The following GRIK2 variants were observed in gnomAD, a reference collection of about 807,000 sequenced individuals.
GRIK2 encodes the protein glutamate receptor ionotropic, kainate 2.
A neutral mutation model predicts 100.3 loss-of-function variants in GRIK2; 32 were observed. The ratio of observed to expected loss-of-function variants is 0.32; its 90% CI spans 0.24 to 0.43. The LOEUF (loss-of-function observed/expected upper bound fraction) is 0.43. Among genes scored for constraint, GRIK2 ranks in the 20% least tolerant of loss-of-function variants. GRIK2 has a pLI of 1.00. For synonymous variants in GRIK2, 417 were observed against 389.4 expected (o/e 1.07, Z -0.83); for missense variants, 843 against 1,114.9 (o/e 0.76, Z 3.47).
At chr6:101,707,415 TATATAA>T (rs1316164581) in intron 7 of GRIK2, among the ~76,000 whole-genome samples, 1 of 148,182 alleles carries the variant, frequency 6.7e-6, no homozygotes, top group African/African-American at 2.5e-5. Flanking sequence ...GCAGTATACA[TATATAA>T]ATATATTCTT....
At chr6:101,954,278 G>A (rs1401616177) in intron 14 of GRIK2, among the ~76,000 whole-genome samples, 2 of 151,888 alleles carry the variant, frequency 1.3e-5, no homozygotes, top group Non-Finnish European at 2.9e-5. Flanking sequence ...AGCCACATGA[G>A]GTATTAATTT....
chr6:101,823,229 G>A (rs915260586), intron 10 of GRIK2, among the ~76,000 whole-genome samples: 3 of 152,084 alleles, frequency 2.0e-5, no homozygotes, highest in South Asian at 2.1e-4. Flanking sequence ...CTTAAGAATT[G>A]CAATGTTTAC....
chr6:101,723,182 A>G (rs1044201067), intron 7 of GRIK2, among the ~76,000 whole-genome samples: 1 of 152,044 alleles, frequency 6.6e-6, no homozygotes, highest in Non-Finnish European at 1.5e-5. Flanking sequence ...TAATTTCTCC[A>G]TGGCCAGGGT....
chr6:101,499,122 A>T (rs565559916), intron 2 of GRIK2, among the ~76,000 whole-genome samples: 14 of 152,274 alleles, frequency 9.2e-5, no homozygotes, highest in African/African-American at 2.9e-4. Flanking sequence ...TACAAAAATT[A>T]ATTCAAGATG....
intron 7 of GRIK2, among the ~76,000 whole-genome samples, chr6:101,796,589 A>T (rs1039995017): frequency 6.6e-6 from 1 of 152,198 alleles, no homozygotes; most frequent in African/African-American, 2.4e-5. Flanking sequence ...ACTGGAGAAA[A>T]TATCATAGAA....
At chr6:101,453,305 A>T (rs1448387396) in intron 2 of GRIK2, among the ~76,000 whole-genome samples, 1 of 151,926 alleles carries the variant, frequency 6.6e-6, no homozygotes, top group African/African-American at 2.4e-5. Context: ...TAAGAAAAAA[A>T]TTAATTGACT....
chr6:101,705,651 A>T (rs1345257053), intron 7 of GRIK2, among the ~76,000 whole-genome samples: 1 of 151,880 alleles, frequency 6.6e-6, no homozygotes, highest in African/African-American at 2.4e-5. Context: ...AATGCATCAA[A>T]TAAATTAAAA....
intron 10 of GRIK2, among the ~76,000 whole-genome samples, chr6:101,834,291 A>G (rs745884331): frequency 5.3e-5 from 8 of 152,038 alleles, no homozygotes; most frequent in Non-Finnish European, 1.0e-4. Context: ...GCTTTTACTA[A>G]AAGACATGTT....
intron 14 of GRIK2, among the ~76,000 whole-genome samples, chr6:102,015,096 A>G (rs773764909): frequency 6.6e-6 from 1 of 152,070 alleles, no homozygotes; most frequent in Non-Finnish European, 1.5e-5. Flanking sequence ...ATGTCTCCAA[A>G]AACTTGATTT....
intron 7 of GRIK2, among the ~76,000 whole-genome samples, chr6:101,733,704 CTT>C (rs1775434885): frequency 2.2e-5 from 2 of 91,396 alleles, no homozygotes; most frequent in African/African-American, 8.1e-5. Context: ...TTTAATTCCT[CTT>C]TCTTTTTTTT....
At chr6:101,966,554 T>C (rs935978716) in intron 14 of GRIK2, among the ~76,000 whole-genome samples, 1 of 152,132 alleles carries the variant, frequency 6.6e-6, no homozygotes, top group Non-Finnish European at 1.5e-5. Context: ...GTTGAGGACC[T>C]GAATGTTCTA....
intron 2 of GRIK2, among the ~76,000 whole-genome samples, chr6:101,618,320 T>C (rs559866164): frequency 1.9e-4 from 29 of 151,778 alleles, no homozygotes; most frequent in Non-Finnish European, 3.4e-4. Flanking sequence ...GTTCTACTTA[T>C]CTATTTTTCT....
intron 16 of GRIK2, among the ~76,000 whole-genome samples, chr6:102,059,705 A>T (rs1336454111): frequency 6.6e-6 from 1 of 150,826 alleles, no homozygotes; most frequent in African/African-American, 2.4e-5. Flanking sequence ...AAAATTCTGC[A>T]TTTCTTAAAT....
intron 2 of GRIK2, among the ~76,000 whole-genome samples, chr6:101,432,916 G>A (rs1769489929): frequency 6.6e-6 from 1 of 151,958 alleles, no homozygotes; most frequent in East Asian, 1.9e-4. Flanking sequence ...AACAGAGGAA[G>A]AAAGATCTAC....
chr6:101,958,388 CTT>C (rs903598549), intron 14 of GRIK2, among the ~76,000 whole-genome samples: 1 of 151,600 alleles, frequency 6.6e-6, no homozygotes, highest in African/African-American at 2.4e-5. Flanking sequence ...TATCCTGTAA[CTT>C]TTCTGAAGTT....
chr6:101,546,125 T>C (rs1776220266), intron 2 of GRIK2, among the ~76,000 whole-genome samples: 1 of 152,194 alleles, frequency 6.6e-6, no homozygotes, highest in Non-Finnish European at 1.5e-5. Flanking sequence ...GCCTGGATTA[T>C]TTCTGCCTAT....
At position 101,764,892 on chromosome 6, in the gene GRIK2, C is replaced by T. The variant is rs561000795; in HGVS notation, c.952-34756C>T. Reference sequence around the variant, plus strand: ...AATCTACGCTCCTAGCCATGGCTGACGAAATCTTCATTTTTCTGTGTGTGT... The same window carrying T: ...AATCTACGCTCCTAGCCATGGCTGATGAAATCTTCATTTTTCTGTGTGTGT... On this transcript the variant is annotated intron_variant, in intron 7 of 16. Coordinates refer to ENST00000369134, the MANE Select transcript of GRIK2 (RefSeq NM_021956.5). 9.2e-5 allele frequency among the ~76,000 whole-genome samples: 14 copies of T among 151,956 alleles called. 1 individual carries two copies. The highest frequency in any genetic ancestry group is 6.2e-4 in the South Asian group (3 of 4,810).
chr6:101,577,378 A>G (rs888393711), intron 2 of GRIK2, among the ~76,000 whole-genome samples: 6 of 152,106 alleles, frequency 3.9e-5, no homozygotes, highest in Non-Finnish European at 5.9e-5. Flanking sequence ...AAATGACACA[A>G]TATTTTTATG....
intron 12 of GRIK2, among the ~76,000 whole-genome samples, chr6:101,905,377 T>G (rs911430972): frequency 3.3e-5 from 5 of 151,652 alleles, no homozygotes; most frequent in African/African-American, 1.2e-4. Flanking sequence ...TAATGGGAAG[T>G]GTTATAGCTT....
Sources: allele counts gnomAD v4.1 joint callset (sites outside exome capture counted in the v4.1 genomes callset), GRCh38; gene constraint gnomAD v4.1.1; transcripts MANE v1.5; gene names NCBI Gene and HGNC (gene_info 2026-07-23, HGNC 2026-07-21).